The following PRKCE variants were observed in gnomAD, a reference collection of about 807,000 sequenced individuals.
The protein encoded by PRKCE is protein kinase C epsilon.
PRKCE carries 16 observed loss-of-function variants against 85.4 expected under a neutral mutation model. The ratio of observed to expected loss-of-function variants is 0.19; its 90% CI spans 0.13 to 0.28. PRKCE has a LOEUF of 0.28. PRKCE is among the 10% of genes least tolerant of loss of function. The pLI is 1.00. For missense variants in PRKCE, 573 were observed against 975.2 expected, an observed-to-expected ratio of 0.59 and a Z score of 5.49; for synonymous variants, 388 against 371.5, an observed-to-expected ratio of 1.04 and a Z score of -0.51.
intron 1 of PRKCE, among the ~76,000 whole-genome samples, chr2:45,779,603 TA>T (rs747138886): frequency 0.067 from 7,680 of 114,230 alleles, 562 homozygotes; most frequent in African/African-American, 0.2. Context: ...TATATTAAAG[TA>T]AAAAAAAAAA....
chr2:45,961,739 G>A (rs965032140), intron 2 of PRKCE, among the ~76,000 whole-genome samples: 5 of 151,812 alleles, frequency 3.3e-5, no homozygotes, highest in East Asian at 1.9e-4. Context: ...TTTGTTGTCC[G>A]GGCTGGAGTG....
At chr2:45,901,182 G>A (rs2103716957) in intron 2 of PRKCE, among the ~76,000 whole-genome samples, 1 of 152,336 alleles carries the variant, frequency 6.6e-6, no homozygotes, top group South Asian at 2.1e-4. Flanking sequence ...GATTTGAGAT[G>A]CAGAAAAATT....
rs534903909 is a variant in PRKCE, at chr2:46,149,691, C to T, written c.1732-1350C>T. On this transcript the variant is annotated intron_variant, in intron 12 of 14. Coordinates refer to ENST00000306156, the MANE Select transcript of PRKCE (RefSeq NM_005400.3). ...TCTAGTCTTTTCTATTGGATGTCAT[C>T]TCCATATATATATATATGTATTTTT... Among the ~76,000 whole-genome samples the T allele has an allele frequency of 6.7e-5, 10 of 148,512 alleles. No individual in the cohort carries two copies. The South Asian group carries it at 1.9e-3, about 28-fold the overall frequency.
chr2:46,065,784 CA>C, intron 10 of PRKCE, among the ~76,000 whole-genome samples: 1 of 152,248 alleles, frequency 6.6e-6, no homozygotes, highest in South Asian at 2.1e-4. Context: ...TAAATGATCA[CA>C]GGTGCTTTGA....
chr2:45,994,045 T>A (rs962885135), intron 6 of PRKCE, among the ~76,000 whole-genome samples: 1 of 152,154 alleles, frequency 6.6e-6, no homozygotes, highest in African/African-American at 2.4e-5. Flanking sequence ...GACCAGGTTA[T>A]GTAGAGCATT....
chr2:45,908,421 G>T (rs1229314372), intron 2 of PRKCE, among the ~76,000 whole-genome samples: 1 of 152,178 alleles, frequency 6.6e-6, no homozygotes, highest in Non-Finnish European at 1.5e-5. Context: ...AAGTAAGTGT[G>T]ACTGGAAGCG....
intron 1 of PRKCE, among the ~76,000 whole-genome samples, chr2:45,747,198 G>A (rs1017838284): frequency 2.6e-5 from 4 of 152,096 alleles, no homozygotes; most frequent in African/African-American, 9.7e-5. Context: ...TAAAAAAATT[G>A]TGGTAAAATA....
At chr2:45,984,742 A>G in intron 6 of PRKCE, 62 bp downstream of exon 6, 2 of 1,550,164 alleles carry the variant, frequency 1.3e-6, no homozygotes, top group African/African-American at 1.4e-5. Context: ...GCCTGCCCCC[A>G]TCCCTGCTTT....
At chr2:46,059,190 A>G (rs1169250601) in intron 10 of PRKCE, among the ~76,000 whole-genome samples, 2 of 110,934 alleles carry the variant, frequency 1.8e-5, no homozygotes, top group Non-Finnish European at 3.4e-5. Flanking sequence ...CAGGAGGTTA[A>G]GGCTACAGTG....
At chr2:45,974,091 T>C (rs1050725085) in intron 2 of PRKCE, among the ~76,000 whole-genome samples, 1 of 152,240 alleles carries the variant, frequency 6.6e-6, no homozygotes, top group Non-Finnish European at 1.5e-5. Flanking sequence ...GTAGGTAAGT[T>C]TGTAGCAAGT....
At chr2:45,949,558 C>G (rs1700480483) in intron 2 of PRKCE, among the ~76,000 whole-genome samples, 1 of 150,872 alleles carries the variant, frequency 6.6e-6, no homozygotes, top group South Asian at 2.1e-4. Flanking sequence ...GTGCAGAAGT[C>G]TTACATTTTA....
At chr2:46,086,588 G>T (rs1396095943) in intron 11 of PRKCE, among the ~76,000 whole-genome samples, 1 of 152,190 alleles carries the variant, frequency 6.6e-6, no homozygotes, top group East Asian at 1.9e-4. Flanking sequence ...TGCCAGTTTT[G>T]ATTTAAAGCT....
At chr2:46,060,028 T>C (rs56207816) in intron 10 of PRKCE, among the ~76,000 whole-genome samples, 2,227 of 152,314 alleles carry the variant, frequency 0.015, 33 homozygotes, top group South Asian at 0.034. Flanking sequence ...TATTGCCACA[T>C]ATATGGGAAA....
intron 8 of PRKCE, among the ~76,000 whole-genome samples, chr2:46,005,118 G>T (rs558540509): frequency 6.6e-6 from 1 of 152,288 alleles, no homozygotes; most frequent in South Asian, 2.1e-4. Flanking sequence ...TGGCCTTTGG[G>T]TGGGTGAGGA....
intron 1 of PRKCE, among the ~76,000 whole-genome samples, chr2:45,694,912 G>C (rs146903508): frequency 1.2e-3 from 184 of 152,304 alleles, no homozygotes; most frequent in African/African-American, 4.4e-3. Flanking sequence ...GCTACTAGAA[G>C]TTAAAGAGAA....
intron 10 of PRKCE, among the ~76,000 whole-genome samples, chr2:46,029,243 G>T (rs188081995): frequency 5.9e-5 from 9 of 152,174 alleles, no homozygotes; most frequent in African/African-American, 2.2e-4. Context: ...CTTCTCCAAC[G>T]TCACATAGTT....
chr2:45,952,247 A>G (rs139188747), intron 2 of PRKCE, among the ~76,000 whole-genome samples: 2 of 152,318 alleles, frequency 1.3e-5, no homozygotes, highest in East Asian at 3.9e-4. Context: ...GACTCACCCA[A>G]CTAGGTGGTG....
intron 1 of PRKCE, among the ~76,000 whole-genome samples, chr2:45,700,899 G>T (rs1020785591): frequency 2.0e-5 from 3 of 152,150 alleles, no homozygotes. Context: ...CTGTGCTCCC[G>T]TAAACCAAGG....
At chr2:46,144,158 C>T (rs1675836700) in intron 11 of PRKCE, among the ~76,000 whole-genome samples, 1 of 152,180 alleles carries the variant, frequency 6.6e-6, no homozygotes, top group Non-Finnish European at 1.5e-5. Context: ...AAGGGAGCTG[C>T]ACTGTTTGAG....
Sources: gnomAD v4.1 joint callset for allele counts (sites outside exome capture counted in the v4.1 genomes callset) on GRCh38, gnomAD v4.1.1 for gene constraint, MANE v1.5 for transcripts, NCBI Gene and HGNC (gene_info 2026-07-23, HGNC 2026-07-21) for gene names.